The following STXBP6 variants were observed in gnomAD, a reference collection of about 807,000 sequenced individuals.
STXBP6 encodes the protein syntaxin-binding protein 6.
STXBP6 carries 21 observed loss-of-function variants against 26.9 expected under a neutral mutation model. That is an observed-to-expected ratio of 0.78 (90% CI 0.55 to 1.12). The LOEUF is 1.12. Among genes scored for constraint, STXBP6 ranks in the 50% most tolerant of loss-of-function variants. The pLI is 0.00. For synonymous variants in STXBP6, 97 were observed against 92.6 expected (o/e 1.05, Z -0.27); for missense variants, 232 against 257.9 (o/e 0.90, Z 0.69).
At chr14:25,008,387 A>G (rs2140365236) in intron 1 of STXBP6, among the ~76,000 whole-genome samples, 1 of 152,168 alleles carries the variant, frequency 6.6e-6, no homozygotes, top group South Asian at 2.1e-4. Flanking sequence ...TCCCAGCTGA[A>G]GTGGGAGGAT....
intron 2 of STXBP6, among the ~76,000 whole-genome samples, chr14:24,950,549 A>G (rs1284788705): frequency 6.6e-6 from 1 of 152,188 alleles, no homozygotes; most frequent in African/African-American, 2.4e-5. Flanking sequence ...AATCTCACAA[A>G]CAATAGCGAG....
chr14:24,927,364 T>C (rs1439285570), intron 2 of STXBP6, among the ~76,000 whole-genome samples: 3 of 152,220 alleles, frequency 2.0e-5, no homozygotes. Context: ...CCGACTTTGT[T>C]TCCTCCTTGG....
chr14:24,992,722 T>C (rs897855662), intron 1 of STXBP6, among the ~76,000 whole-genome samples: 1 of 152,162 alleles, frequency 6.6e-6, no homozygotes, highest in Non-Finnish European at 1.5e-5. Flanking sequence ...CAAGAACATA[T>C]GTATGTGCGA....
intron 4 of STXBP6, among the ~76,000 whole-genome samples, chr14:24,822,615 C>T (rs538530445): frequency 1.3e-5 from 2 of 152,288 alleles, no homozygotes; most frequent in African/African-American, 4.8e-5. Context: ...CACGTGCCTA[C>T]TGTGGAGATG....
intron 2 of STXBP6, among the ~76,000 whole-genome samples, chr14:24,883,401 T>C (rs1316155445): frequency 6.6e-6 from 1 of 152,228 alleles, no homozygotes; most frequent in African/African-American, 2.4e-5. Context: ...CCTTAGTCTC[T>C]ACATAATGTC....
chr14:24,855,912 A>G lies in STXBP6; in HGVS notation c.451+24T>C, dbSNP rs775491836. ...GTGAGTCTAAAGAAACAGGATGACT[A>G]AAGTCACACAAATGTCCACTCACCT... On this transcript the variant is annotated intron_variant, in intron 4 of 5. Transcript: ENST00000323944. The G allele has an allele frequency of 6.3e-6, 10 of 1,577,592 alleles. No individual in the cohort carries two copies. The East Asian group carries it at 2.2e-4, about 35-fold the overall frequency.
At chr14:24,839,715 T>C (rs543660342) in intron 4 of STXBP6, among the ~76,000 whole-genome samples, 1 of 152,338 alleles carries the variant, frequency 6.6e-6, no homozygotes, top group African/African-American at 2.4e-5. Flanking sequence ...TGACAACTCA[T>C]TTAATCCTCA....
At chr14:24,929,586 T>C (rs2072306948) in intron 2 of STXBP6, among the ~76,000 whole-genome samples, 1 of 152,240 alleles carries the variant, frequency 6.6e-6, no homozygotes. Context: ...CTAATAAACA[T>C]TTGTCTGGTT....
intron 1 of STXBP6, among the ~76,000 whole-genome samples, chr14:25,033,436 A>T (rs1454526041): frequency 1.3e-5 from 2 of 152,344 alleles, no homozygotes; most frequent in East Asian, 3.9e-4. Context: ...TGCAAAAAAC[A>T]TGAATCTTGT....
chr14:25,002,144 G>T (rs2074774666), intron 1 of STXBP6, among the ~76,000 whole-genome samples: 1 of 152,004 alleles, frequency 6.6e-6, no homozygotes, highest in African/African-American at 2.4e-5. Flanking sequence ...ACTTCATGAG[G>T]ACATTCTCTA....
chr14:24,976,379 AG>A (rs1195705739), intron 1 of STXBP6, among the ~76,000 whole-genome samples: 2 of 152,256 alleles, frequency 1.3e-5, no homozygotes, highest in African/African-American at 4.8e-5. Flanking sequence ...GTAATAGGGC[AG>A]GTTTTCTTAG....
intron 2 of STXBP6, among the ~76,000 whole-genome samples, chr14:24,901,139 A>G (rs1012448915): frequency 1.0e-5 from 1 of 96,888 alleles, no homozygotes; most frequent in African/African-American, 3.3e-5. Context: ...AACCGTATAG[A>G]CAGGATTTTT....
chr14:24,961,972 C>T (rs1021474725), intron 2 of STXBP6, among the ~76,000 whole-genome samples: 2 of 152,154 alleles, frequency 1.3e-5, no homozygotes, highest in Non-Finnish European at 2.9e-5. Flanking sequence ...TCATCTAACA[C>T]TAATATATTA....
intron 2 of STXBP6, among the ~76,000 whole-genome samples, chr14:24,923,566 A>G (rs1205759541): frequency 4.6e-5 from 7 of 152,074 alleles, no homozygotes. Context: ...TTTACAATGT[A>G]TTAGAGCTCC....
intron 2 of STXBP6, among the ~76,000 whole-genome samples, chr14:24,906,036 T>C (rs1324889914): frequency 6.6e-6 from 1 of 152,228 alleles, no homozygotes; most frequent in Non-Finnish European, 1.5e-5. Flanking sequence ...CAAACATCTC[T>C]AATTGTTATC....
chr14:25,036,882 A>G (rs1350992999), intron 1 of STXBP6, among the ~76,000 whole-genome samples: 2 of 150,838 alleles, frequency 1.3e-5, no homozygotes, highest in East Asian at 3.9e-4. Context: ...AAAAGAAATC[A>G]GCTATACCCT....
chr14:24,975,660 A>G (rs2074025840), intron 1 of STXBP6, among the ~76,000 whole-genome samples: 1 of 152,234 alleles, frequency 6.6e-6, no homozygotes, highest in Non-Finnish European at 1.5e-5. Context: ...AAAATAAAGC[A>G]GTATGACGCT....
chr14:24,829,200 T>C (rs2068379831), intron 4 of STXBP6, among the ~76,000 whole-genome samples: 1 of 152,186 alleles, frequency 6.6e-6, no homozygotes, highest in African/African-American at 2.4e-5. Flanking sequence ...AAATTAAACC[T>C]ATGGTGTTGC....
In STXBP6 at chr14:24,992,720, T is replaced by C. The variant is rs564007569; in HGVS notation, c.-32-17870A>G. On this transcript the variant is annotated intron_variant, in intron 1 of 5. Coordinates refer to ENST00000323944, the MANE Select transcript of STXBP6 (RefSeq NM_001394410.1). ...ATGCAATAAGCACCAATCAAGAACA[T>C]ATGTATGTGCGAAACATCAATGCTA... Among the ~76,000 whole-genome samples the C allele has an allele frequency of 5.9e-5, 9 of 152,250 alleles. No homozygotes were observed. In the South Asian group the frequency reaches 1.9e-3, roughly 32 times the overall value.
Sources: allele counts gnomAD v4.1 joint callset (sites outside exome capture counted in the v4.1 genomes callset), GRCh38; gene constraint gnomAD v4.1.1; transcripts MANE v1.5; gene names NCBI Gene and HGNC (gene_info 2026-07-23, HGNC 2026-07-21).